Variants in SZT2 observed in about 807,000 individuals in gnomAD.
The protein encoded by SZT2 is KICSTOR complex protein SZT2.
Under a neutral mutation model 404.2 loss-of-function variants are expected in SZT2, and 216 were observed. That is an observed-to-expected ratio of 0.53 (90% confidence interval 0.48 to 0.60). SZT2 has a LOEUF of 0.60. Among genes scored for constraint, SZT2 ranks in the 20% least tolerant of loss-of-function variants. SZT2 has a pLI of 0.00. For synonymous variants in SZT2, 1,693 were observed against 1,749.9 expected (o/e 0.97, Z 0.81); for missense variants, 3,857 against 4,459.2 (o/e 0.86, Z 3.85).
chr1:43,429,950 GGGAGTAGTA>G, intron 29 of SZT2, 52 bp from the exon 30 acceptor site: 1 of 1,612,488 alleles, frequency 6.2e-7, no homozygotes, highest in South Asian at 1.1e-5. Context: ...CTCTAGGGTA[GGGAGTAGTA>G]TCCTGTTGAG....
At chr1:43,444,770 T>C (rs966873666) in intron 62 of SZT2, among the ~76,000 whole-genome samples, 1 of 152,222 alleles carries the variant, frequency 6.6e-6, no homozygotes, top group Non-Finnish European at 1.5e-5. Context: ...TTCTCTGCCC[T>C]TTCCCAGTGG....
At chr1:43,429,586 G>A (rs1653605753) in intron 28 of SZT2, 117 bp from the exon 29 acceptor site, 9 of 1,311,740 alleles carry the variant, frequency 6.9e-6, no homozygotes, top group East Asian at 4.6e-5. Flanking sequence ...ATGCCATTAC[G>A]CTAAGTACTC....
In SZT2 at chr1:43,443,046, TG is replaced by T; in HGVS notation, c.8381del (p.Gly2794AspfsTer5). ...GACCTCCTGATCCTGTCACCTACCA[TG>T]GACAACAGTTCCTAGAGATCAAGAT... ...PRPPDPVTYH[G>X]QQFLEIKMAE... is the part of the protein sequence containing the mutation. On this transcript the variant is annotated frameshift_variant, in exon 59 of 72. Coordinates refer to ENST00000634258, the MANE Select transcript of SZT2 (RefSeq NM_001365999.1). LOFTEE classifies it high-confidence loss of function. The T allele has an allele frequency of 6.2e-7, 1 of 1,613,636 alleles. No homozygotes were observed. Among genetic ancestry groups the T allele is most frequent in the Non-Finnish European group, 8.5e-7 (1 of 1,179,714 alleles).
intron 4 of SZT2, among the ~76,000 whole-genome samples, chr1:43,411,769 CTTTTT>C (rs386366817): frequency 1.4e-5 from 1 of 74,046 alleles, no homozygotes; most frequent in African/African-American, 6.3e-5. Context: ...CATCCACTAT[CTTTTT>C]TTTTTTTTTT....
rs1462031150 is a variant in SZT2 at position 43,429,862 on chromosome 1, G to A, written c.4308+18G>A. ...TCATCCAGGTGGGAAGCTTGGGTGA[G>A]GGTAGAAGAGGTGTTAGAGTCCTGC... On this transcript the variant is annotated intron_variant, in intron 29 of 71. Coordinates refer to ENST00000634258, the MANE Select transcript of SZT2 (RefSeq NM_001365999.1). 1 of 1,613,914 alleles carries A rather than the reference G, an allele frequency of 6.2e-7. No homozygotes were observed. Among genetic ancestry groups the A allele is most frequent in the Non-Finnish European group, 8.5e-7 (1 of 1,179,992 alleles).
Position 43,427,620 on chromosome 1 carries a change from C to A in SZT2, c.3689C>A (p.Ala1230Glu). Residue 1230 changes from alanine to glutamate, a missense_variant, in exon 26 of 72, where the codon GCG becomes GAG. Transcript: ENST00000634258. ...CGTCAGGCTTCCCAGACAGAGAGTG[C>A]GGATGGGCCCCGGACCCGGTGTCCT... ...AGRQASQTES[A>E]DGPRTRCPVY... 6.2e-7 allele frequency: 1 copy of A among 1,614,214 alleles called. No individual in the cohort carries two copies. Among genetic ancestry groups the A allele is most frequent in the Non-Finnish European group, 8.5e-7 (1 of 1,180,046 alleles).
intron 4 of SZT2, among the ~76,000 whole-genome samples, chr1:43,413,189 C>T (rs972774406): frequency 1.3e-5 from 2 of 152,168 alleles, no homozygotes; most frequent in South Asian, 4.1e-4. Flanking sequence ...TTGAGACCAG[C>T]CTGGCCAACA....
chr1:43,430,533 C>A lies in SZT2; in HGVS notation c.4518C>A (p.Asp1506Glu). 6.2e-7 allele frequency: 1 copy of A among 1,614,210 alleles called. No individual in the cohort carries two copies. Among genetic ancestry groups the A allele is most frequent in the Non-Finnish European group, 8.5e-7 (1 of 1,180,036 alleles). ...CCTGCTGTGTGGTCACTGAGAGTGA[C>A]CCAGAGCTAGAGGTAGAATACCGGG... ...TSACCVVTES[D>E]PELEVEYRES... is the part of the protein sequence containing the mutation. Residue 1506 changes from aspartate to glutamate, a missense_variant, in exon 32 of 72, where the codon GAC becomes GAA. Physicochemically the swap from Asp to Glu is conservative, Grantham distance 45. Transcript: ENST00000634258.
rs747063591 is a variant in SZT2 at position 43,426,258 on chromosome 1, G to A, written c.3043+107G>A. On this transcript the variant is annotated intron_variant, in intron 21 of 71. Transcript: ENST00000634258. This position sits in a 1 kb window ranked among gnomAD's most constrained non-coding sequence, Gnocchi z 4.9. ...TCAGCAAGTGAGCAGATGAGTGGTG[G>A]GGGCAGGAGGAGCCCATGAGGCTGA... 2.2e-5 allele frequency: 33 copies of A among 1,491,492 alleles called. No homozygotes were observed. Among genetic ancestry groups the A allele is most frequent in the Non-Finnish European group, 3.0e-5 (33 of 1,107,596 alleles). The allele number at this position is 1,491,492 out of a possible 1,614,324, so 92.4% of individuals were successfully genotyped here.
intron 3 of SZT2, 76 bp from the exon 4 acceptor site, chr1:43,404,304 C>A: frequency 1.6e-6 from 2 of 1,275,574 alleles, no homozygotes; most frequent in Non-Finnish European, 1.1e-6. Flanking sequence ...CCTACTGACC[C>A]ATGGAAGCTG....
intron 1 of SZT2, among the ~76,000 whole-genome samples, chr1:43,402,181 T>C (rs1326529404): frequency 2.0e-5 from 3 of 152,202 alleles, no homozygotes; most frequent in Admixed American, 2.0e-4. Context: ...CTTTCCCTCA[T>C]TAATCAGGGA....
rs2153932911 is a variant in SZT2 at position 43,424,408 on chromosome 1, C to A, written c.2447C>A (p.Ala816Asp). The change falls in exon 16 of 72, where the codon GCC (alanine) becomes GAC (aspartate). Residue 816 changes from alanine (A) to aspartate (D), a missense_variant. Around this residue, in one of 7 missense-constraint regions of SZT2, gnomAD observed 1,725 missense variants for 1,881.0 expected, o/e 0.92. Transcript: ENST00000634258. The surrounding 1 kb of genome is among the most constrained non-coding windows in gnomAD (Gnocchi z 4.1). ...LAPALPLSAI[A>D]QLLSILTEVR... ...CCTGCGCTGCCTCTCAGTGCCATTG[C>A]CCAGCTCCTCTCCATCCTCACTGAG... The A allele has an allele frequency of 1.3e-6, 2 of 1,597,934 alleles. No individual in the cohort carries two copies. The highest frequency in any genetic ancestry group is 1.7e-6 in the Non-Finnish European group (2 of 1,179,584).
chr1:43,403,977 A>G, intron 3 of SZT2: 1 of 611,604 alleles, frequency 1.6e-6, no homozygotes. Context: ...TGGGAAGCCA[A>G]GGCGGGCTGA....
intron 62 of SZT2, among the ~76,000 whole-genome samples, chr1:43,444,094 C>T (rs2153936250): frequency 6.6e-6 from 1 of 152,290 alleles, no homozygotes; most frequent in African/African-American, 2.4e-5. Flanking sequence ...TTGCATACAT[C>T]CCCACATGTG....
In SZT2 at chr1:43,441,771, C is replaced by T; in HGVS notation, c.7695C>T (p.Val2565=). The T allele has an allele frequency of 6.2e-7, 1 of 1,614,200 alleles. No individual in the cohort carries two copies. Among genetic ancestry groups the T allele is most frequent in the African/African-American group, 1.3e-5 (1 of 75,066 alleles). Residue 2565 remains valine (V), a synonymous_variant, in exon 55 of 72, where the codon GTC becomes GTT. Transcript: ENST00000634258. This position sits in a 1 kb window ranked among gnomAD's most constrained non-coding sequence, Gnocchi z 4.8. ...PSILSEFTAL[V]TSMAGDTSVR... is the part of the protein sequence containing the mutation. ...TCCTGTCTGAGTTCACCGCACTGGTCACCTCAATGGCTGGAGACACCAGTG... is the reference window on the plus strand; with the variant it reads ...TCCTGTCTGAGTTCACCGCACTGGTTACCTCAATGGCTGGAGACACCAGTG...
rs773776840 is a variant in SZT2, at chr1:43,433,106, C to T, written c.5720C>T (p.Ser1907Leu). The change falls in exon 40 of 72, where the codon TCA becomes TTA. Residue 1907 changes from serine to leucine, a missense_variant. Transcript: ENST00000634258. ...PGPAPPQPSLSGLPGPCLPDF... is the reference protein window; with the variant it reads ...PGPAPPQPSLLGLPGPCLPDF... ...CCAGCACCTCCACAGCCTTCACTCT[C>T]AGGCCTCCCTGGGCCCTGCCTGCCT... The T allele has an allele frequency of 3.1e-6, 5 of 1,614,202 alleles. No homozygotes were observed. Among genetic ancestry groups the T allele is most frequent in the Non-Finnish European group, 4.2e-6 (5 of 1,180,040 alleles).
chr1:43,447,816 A>C (rs1163871933), intron 67 of SZT2, 33 bp from the exon 68 acceptor site: 1 of 1,613,346 alleles, frequency 6.2e-7, no homozygotes, highest in Non-Finnish European at 8.5e-7. Context: ...TTAGAACCCC[A>C]GAGTTGACAT....
Position 43,452,152 on chromosome 1 carries a change from C to G in SZT2, c.*1672C>G, listed in dbSNP as rs1376844323. ...TGCTGTCCCCACTGTGCACCCCCTTCTCCGCACACCCACAGAGACATGTAA... is the reference window on the plus strand; with the variant it reads ...TGCTGTCCCCACTGTGCACCCCCTTGTCCGCACACCCACAGAGACATGTAA... On this transcript the variant is annotated 3_prime_UTR_variant, in exon 72 of 72. Transcript: ENST00000634258. 2.0e-5 allele frequency: 30 copies of G among 1,528,474 alleles called. No homozygotes were observed. In the Admixed American group the frequency reaches 4.1e-4, roughly 21 times the overall value. 94.7% of individuals were successfully genotyped at this position (1,528,474 alleles called of 1,614,324 possible).
rs1655229138 is a variant in SZT2 at position 43,442,894 on chromosome 1, G to A, written c.8227G>A (p.Glu2743Lys). 2 of 1,614,104 alleles carry A rather than the reference G, an allele frequency of 1.2e-6. No homozygotes were observed. The highest frequency in any genetic ancestry group is 1.7e-6 in the Non-Finnish European group (2 of 1,179,980). ...GAGTGCAAGTCCCCCGCTGAGCCGT[G>A]AGCAGGGCCGACTGAGTGGGTCCTC... Reference protein sequence around the residue: ...IRSASPPLSREQGRLSGSSRG... With the variant: ...IRSASPPLSRKQGRLSGSSRG... The change falls in exon 59 of 72, where the codon GAG (glutamate) becomes AAG (lysine). Residue 2743 changes from glutamate to lysine, a missense_variant. This residue lies in a region of SZT2 where 573 missense variants were observed against 592.4 expected (regional missense o/e 0.97). Coordinates refer to ENST00000634258, the MANE Select transcript of SZT2 (RefSeq NM_001365999.1). The surrounding 1 kb of genome is among the most constrained non-coding windows in gnomAD (Gnocchi z 4.5).
Sources: gnomAD v4.1 joint callset for allele counts (sites outside exome capture counted in the v4.1 genomes callset) on GRCh38, gnomAD v4.1.1 for gene constraint, gnomAD v4.1.1 regional missense constraint, Gnocchi (gnomAD v3.1) non-coding constraint, MANE v1.5 for transcripts, NCBI Gene and HGNC (gene_info 2026-07-23, HGNC 2026-07-21) for gene names.